NPAS3: variants seen among roughly 807,000 people sequenced by gnomAD.
NPAS3 encodes neuronal PAS domain-containing protein 3.
A neutral mutation model predicts 73.1 loss-of-function variants in NPAS3; 14 were observed. That is an observed-to-expected ratio of 0.19 (90% CI 0.13 to 0.30). The LOEUF is 0.30. NPAS3 is among the 10% of genes least tolerant of loss of function. The pLI is 1.00. For synonymous variants in NPAS3, 620 were observed against 541.5 expected (o/e 1.14, Z -2.01); for missense variants, 1,096 against 1,250.0 (o/e 0.88, Z 1.86).
intron 3 of NPAS3, among the ~76,000 whole-genome samples, chr14:33,311,645 C>T (rs1477153109): frequency 6.6e-6 from 1 of 152,060 alleles, no homozygotes; most frequent in Admixed American, 6.6e-5. Context: ...TGCATGAGTC[C>T]GTCCCATCAA....
chr14:32,966,091 G>A (rs1218857623), intron 1 of NPAS3, among the ~76,000 whole-genome samples: 1 of 152,092 alleles, frequency 6.6e-6, no homozygotes, highest in Non-Finnish European at 1.5e-5. Context: ...TTAATGGATT[G>A]GAAGAATTAA....
intron 6 of NPAS3, among the ~76,000 whole-genome samples, chr14:33,697,282 C>A (rs566558226): frequency 6.6e-6 from 1 of 152,298 alleles, no homozygotes; most frequent in African/African-American, 2.4e-5. Flanking sequence ...AAATTCAAGG[C>A]TGAATTTGCC....
At chr14:33,357,316 A>G (rs2045382976) in intron 3 of NPAS3, among the ~76,000 whole-genome samples, 2 of 152,230 alleles carry the variant, frequency 1.3e-5, no homozygotes, top group East Asian at 3.8e-4. Context: ...GCATGAGTGA[A>G]TCCTTCAAAA....
At chr14:33,052,492 A>G (rs1449338482) in intron 1 of NPAS3, among the ~76,000 whole-genome samples, 1 of 152,230 alleles carries the variant, frequency 6.6e-6, no homozygotes, top group African/African-American at 2.4e-5. Flanking sequence ...TACATTAAGA[A>G]AAAACCCTAC....
At chr14:33,687,133 G>C (rs977177802) in intron 6 of NPAS3, among the ~76,000 whole-genome samples, 5 of 152,132 alleles carry the variant, frequency 3.3e-5, no homozygotes, top group African/African-American at 1.2e-4. Context: ...CTGTAGCCAG[G>C]AGCTAATTAT....
chr14:33,171,497 AC>A (rs1489891027), intron 2 of NPAS3, among the ~76,000 whole-genome samples: 2 of 152,128 alleles, frequency 1.3e-5, no homozygotes, highest in Non-Finnish European at 2.9e-5. Flanking sequence ...CTTTCCCTAA[AC>A]CACATAAACC....
chr14:33,162,124 AT>A (rs1393941734), intron 2 of NPAS3, among the ~76,000 whole-genome samples: 1 of 152,216 alleles, frequency 6.6e-6, no homozygotes, highest in East Asian at 1.9e-4. Flanking sequence ...TGCAAAGAGC[AT>A]TTCCTTATGT....
In NPAS3 at chr14:33,431,879, C is replaced by T. The variant is rs148230944; in HGVS notation, c.468+64611C>T. ...AAATATGATTTTCTGAATTGTTACA[C>T]AGCCTAGCCTTCCCATTTTTCAAAA... On this transcript the variant is annotated intron_variant, in intron 4 of 11. Transcript: ENST00000356141. Among the ~76,000 whole-genome samples the T allele has an allele frequency of 8.9e-3, 1,358 of 152,218 alleles. 21 individuals carry two copies. The highest frequency in any genetic ancestry group is 0.031 in the African/African-American group (1,275 of 41,552).
At chr14:33,516,335 A>G (rs1451652031) in intron 4 of NPAS3, among the ~76,000 whole-genome samples, 1 of 152,160 alleles carries the variant, frequency 6.6e-6, no homozygotes, top group African/African-American at 2.4e-5. Flanking sequence ...GGAGGCTTTT[A>G]GATTTAAAAA....
intron 2 of NPAS3, among the ~76,000 whole-genome samples, chr14:33,138,761 A>C (rs1051719353): frequency 2.0e-5 from 3 of 152,224 alleles, no homozygotes; most frequent in Non-Finnish European, 4.4e-5. Flanking sequence ...GAAAATTTAT[A>C]TGAAATTCTG....
intron 1 of NPAS3, among the ~76,000 whole-genome samples, chr14:32,967,791 TA>T (rs11366213): frequency 0.014 from 2,053 of 150,204 alleles, 51 homozygotes; most frequent in African/African-American, 0.047. Context: ...TCCTAAAAAA[TA>T]AAAAACGGTA....
intron 1 of NPAS3, among the ~76,000 whole-genome samples, chr14:33,008,382 T>A (rs1305553068): frequency 1.3e-5 from 2 of 152,222 alleles, no homozygotes; most frequent in African/African-American, 4.8e-5. Context: ...GAATACAGTA[T>A]ATTTTCTGTA....
intron 5 of NPAS3, among the ~76,000 whole-genome samples, chr14:33,645,096 A>T (rs1429454987): frequency 6.7e-6 from 1 of 150,026 alleles, no homozygotes; most frequent in Admixed American, 6.6e-5. Context: ...AAAAAAAAAA[A>T]GAAAGAAAGA....
chr14:32,960,962 A>G (rs1290212729), intron 1 of NPAS3, among the ~76,000 whole-genome samples: 1 of 152,228 alleles, frequency 6.6e-6, no homozygotes, highest in Non-Finnish European at 1.5e-5. Context: ...TGTGCAGCTT[A>G]ATTCTCCATG....
Position 33,198,013 on chromosome 14 carries a change from A to AC in NPAS3, c.141-17167dup, listed in dbSNP as rs540249490. On this transcript the variant is annotated intron_variant, in intron 2 of 11. Transcript: ENST00000356141. The stretch of plus-strand genomic sequence containing the variant: ...ACTGGCTTCAGGAGTGAAGCTGCAG[A>AC]CCTTCACGGTGAGTATTACAGCTCT... 5.3e-3 allele frequency among the ~76,000 whole-genome samples: 796 copies of AC among 151,098 alleles called. 1 individual carries two copies. Among genetic ancestry groups the AC allele is most frequent in the Non-Finnish European group, 8.4e-3 (570 of 67,742 alleles).
In NPAS3 at chr14:33,774,566, G is replaced by A. The variant is rs138018650; in HGVS notation, c.1046+36G>A. 3.8e-4 allele frequency: 580 copies of A among 1,537,552 alleles called. 2 individuals carry two copies. The African/African-American group carries it at 5.2e-3, about 14-fold the overall frequency. On this transcript the variant is annotated intron_variant, in intron 8 of 11. Transcript: ENST00000356141. ...TTTGTTTTCATTTGCCCTGTTGCACGTTGCACATTGGTGAGGGTTGTGTTT... is the reference window on the plus strand; with the variant it reads ...TTTGTTTTCATTTGCCCTGTTGCACATTGCACATTGGTGAGGGTTGTGTTT...
At chr14:33,668,681 A>G (rs556066398) in intron 5 of NPAS3, among the ~76,000 whole-genome samples, 21 of 152,212 alleles carry the variant, frequency 1.4e-4, no homozygotes, top group African/African-American at 5.1e-4. Context: ...AGCCAGGCAC[A>G]GTGGCTCAAT....
At chr14:33,781,843 T>C (rs1160551693) in intron 9 of NPAS3, among the ~76,000 whole-genome samples, 1 of 152,262 alleles carries the variant, frequency 6.6e-6, no homozygotes, top group African/African-American at 2.4e-5. Context: ...TAGGCATCTG[T>C]AAATCCATAA....
intron 6 of NPAS3, among the ~76,000 whole-genome samples, chr14:33,708,841 G>A (rs2060735875): frequency 6.6e-6 from 1 of 152,206 alleles, no homozygotes; most frequent in Non-Finnish European, 1.5e-5. Context: ...TATGGGCACT[G>A]CTGTCCTGAG....
Sources: allele counts gnomAD v4.1 joint callset (sites outside exome capture counted in the v4.1 genomes callset), GRCh38; gene constraint gnomAD v4.1.1; transcripts MANE v1.5; gene names NCBI Gene and HGNC (gene_info 2026-07-23, HGNC 2026-07-21).